The following DNM3 variants were observed in gnomAD, a reference collection of about 807,000 sequenced individuals.
The protein encoded by DNM3 is dynamin 3.
In DNM3, 47 loss-of-function variants were observed where a neutral mutation model predicts 101.6. The ratio of observed to expected loss-of-function variants is 0.46; its 90% CI spans 0.37 to 0.59. The LOEUF is 0.59. Ranked by LOEUF, DNM3 falls within the 20% of genes least tolerant of loss-of-function variation. DNM3 has a pLI of 0.00. For missense variants in DNM3, 849 were observed against 1,085.7 expected (o/e 0.78, Z 3.06); for synonymous variants, 385 against 387.9 (o/e 0.99, Z 0.09).
intron 16 of DNM3, among the ~76,000 whole-genome samples, chr1:172,320,246 G>T (rs1239297894): frequency 2.0e-5 from 3 of 149,648 alleles, no homozygotes; most frequent in Admixed American, 6.6e-5. Context: ...GTGGGGGGAT[G>T]GGGGAGGGAT....
rs182974548 is a variant in DNM3 at position 172,346,102 on chromosome 1, G to A, written c.1893+22762G>A. Among the ~76,000 whole-genome samples, 781 of 133,824 alleles carry A rather than the reference G, an allele frequency of 5.8e-3. 7 individuals are homozygous for A. Among genetic ancestry groups the A allele is most frequent in the Non-Finnish European group, 8.9e-3 (578 of 64,676 alleles). 87.8% of individuals were successfully genotyped at this position (133,824 alleles called of 152,430 possible). On this transcript the variant is annotated intron_variant, in intron 17 of 20. Coordinates refer to ENST00000627582, the MANE Select transcript of DNM3 (RefSeq NM_015569.5). ...CGTGCCACTGCATTCCAGCCTGGGCGACAGAGCGAGACTCCGTCTCAAAAA... is the reference window on the plus strand; with the variant it reads ...CGTGCCACTGCATTCCAGCCTGGGCAACAGAGCGAGACTCCGTCTCAAAAA...
intron 10 of DNM3, among the ~76,000 whole-genome samples, chr1:172,054,363 T>G (rs1173510536): frequency 6.6e-6 from 1 of 152,240 alleles, no homozygotes; most frequent in Non-Finnish European, 1.5e-5. Flanking sequence ...TATGAGCTAT[T>G]TGGCTTCATG....
intron 10 of DNM3, among the ~76,000 whole-genome samples, chr1:172,066,980 G>GTGTGTGTGTT (rs1258136281): frequency 6.6e-6 from 1 of 151,912 alleles, no homozygotes; most frequent in African/African-American, 2.4e-5. Context: ...GTGTGTTTGT[G>GTGTGTGTGTT]TGTGTGTGCG....
chr1:171,949,129 C>T (rs189379324), intron 2 of DNM3, among the ~76,000 whole-genome samples: 67 of 152,056 alleles, frequency 4.4e-4, no homozygotes, highest in Middle Eastern at 3.4e-3. Flanking sequence ...GGGAAATTGT[C>T]GATTATATTT....
intron 20 of DNM3, among the ~76,000 whole-genome samples, chr1:172,394,646 G>A (rs1421655090): frequency 6.6e-6 from 1 of 152,172 alleles, no homozygotes; most frequent in African/African-American, 2.4e-5. Flanking sequence ...AGCCATTGCA[G>A]GGAAAGCCTT....
intron 1 of DNM3, among the ~76,000 whole-genome samples, chr1:171,904,709 T>C (rs2038666408): frequency 6.6e-6 from 1 of 152,140 alleles, no homozygotes; most frequent in Admixed American, 6.5e-5. Context: ...AGCAGTGTCT[T>C]GGAGGTCCTT....
chr1:171,892,964 G>T lies in DNM3; in HGVS notation c.162-28784G>T, dbSNP rs1183423056. On this transcript the variant is annotated intron_variant, in intron 1 of 20. Transcript: ENST00000627582. ...GGGTCACCTCCTGCTGTGCGGCCCA[G>T]TTCCTAACAGGCCATGGATAGGTGT... Among the ~76,000 whole-genome samples the T allele has an allele frequency of 2.0e-5, 3 of 151,894 alleles. 1 individual carries two copies. Among genetic ancestry groups the T allele is most frequent in the African/African-American group, 7.3e-5 (3 of 41,156 alleles).
rs188816887 is a variant in DNM3, at chr1:172,093,410, C to T, written c.1545+535C>T. ...AGTTTTTGTGTTTTGGGCTGACCAG[C>T]TGTCTCTGACTAATAGCGCTCTGCA... is the stretch of plus-strand genomic sequence containing the variant. On this transcript the variant is annotated intron_variant, in intron 13 of 20. Coordinates refer to ENST00000627582, the MANE Select transcript of DNM3 (RefSeq NM_015569.5). Among the ~76,000 whole-genome samples, 543 of 152,348 alleles carry T rather than the reference C, an allele frequency of 3.6e-3. 3 individuals carry two copies. Among genetic ancestry groups the T allele is most frequent in the Non-Finnish European group, 5.7e-3 (386 of 68,040 alleles).
At chr1:172,020,721 CAAAAA>C (rs3051630) in intron 4 of DNM3, among the ~76,000 whole-genome samples, 5 of 66,350 alleles carry the variant, frequency 7.5e-5, no homozygotes, top group Admixed American at 1.8e-4. Context: ...GAGACTCCGT[CAAAAA>C]AAAAAAAAAA....
intron 13 of DNM3, among the ~76,000 whole-genome samples, chr1:172,097,275 C>T (rs2054310233): frequency 6.6e-6 from 1 of 152,018 alleles, no homozygotes; most frequent in Non-Finnish European, 1.5e-5. Flanking sequence ...TGGCGAGTGC[C>T]TGTAATCCAA....
intron 1 of DNM3, among the ~76,000 whole-genome samples, chr1:171,912,321 A>T (rs1273708521): frequency 6.6e-6 from 1 of 152,150 alleles, no homozygotes; most frequent in Non-Finnish European, 1.5e-5. Flanking sequence ...ATGATATTAA[A>T]CTTAATAGGG....
intron 14 of DNM3, among the ~76,000 whole-genome samples, chr1:172,224,356 C>A (rs1006554134): frequency 6.6e-6 from 1 of 152,094 alleles, no homozygotes; most frequent in Non-Finnish European, 1.5e-5. Flanking sequence ...TTACTGAATT[C>A]ATTTTAGTAT....
At chr1:172,309,034 A>T (rs1455215788) in intron 16 of DNM3, 195 bp downstream of exon 16, 1 of 430,988 alleles carries the variant, frequency 2.3e-6, no homozygotes, top group Non-Finnish European at 4.1e-6. Context: ...CTATTTGAAG[A>T]AGTTAAACAA....
chr1:172,204,059 T>C (rs2060244982), intron 14 of DNM3, among the ~76,000 whole-genome samples: 1 of 152,122 alleles, frequency 6.6e-6, no homozygotes, highest in Non-Finnish European at 1.5e-5. Flanking sequence ...ATGAAAAAGA[T>C]TTTCTTAGCA....
At chr1:172,124,883 A>G (rs575359334) in intron 13 of DNM3, among the ~76,000 whole-genome samples, 2 of 152,322 alleles carry the variant, frequency 1.3e-5, no homozygotes, top group African/African-American at 4.8e-5. Flanking sequence ...GTAAATGGGA[A>G]GACTCTTTTC....
intron 14 of DNM3, among the ~76,000 whole-genome samples, chr1:172,148,883 T>G (rs2058025092): frequency 6.6e-6 from 1 of 152,146 alleles, no homozygotes; most frequent in Non-Finnish European, 1.5e-5. Flanking sequence ...CCACTTTTCT[T>G]CCCTTTCCTG....
chr1:171,984,142 C>A (rs2125600437), intron 2 of DNM3, among the ~76,000 whole-genome samples: 1 of 152,266 alleles, frequency 6.6e-6, no homozygotes. Context: ...CCCACTGTTG[C>A]CACCCTGGTC....
At chr1:172,010,247 G>T (rs1381053063) in intron 4 of DNM3, among the ~76,000 whole-genome samples, 1 of 151,830 alleles carries the variant, frequency 6.6e-6, no homozygotes, top group Non-Finnish European at 1.5e-5. Flanking sequence ...TGTTAAAAAT[G>T]AGAAAGAAAT....
At chr1:172,318,376 G>T (rs975396271) in intron 16 of DNM3, among the ~76,000 whole-genome samples, 1 of 152,166 alleles carries the variant, frequency 6.6e-6, no homozygotes, top group Non-Finnish European at 1.5e-5. Flanking sequence ...AGTGTTGGAA[G>T]TTCTGGCCAG....
Sources: allele counts gnomAD v4.1 joint callset (sites outside exome capture counted in the v4.1 genomes callset), GRCh38; gene constraint gnomAD v4.1.1; transcripts MANE v1.5; gene names NCBI Gene and HGNC (gene_info 2026-07-23, HGNC 2026-07-21).